Variants in TCF3 observed in about 807,000 individuals in gnomAD.
TCF3 encodes the protein transcription factor 3.
TCF3 carries 54 observed loss-of-function variants against 72.3 expected under a neutral mutation model. The ratio of observed to expected loss-of-function variants is 0.75; its 90% CI spans 0.60 to 0.94. TCF3 has a LOEUF of 0.94. Among genes scored for constraint, TCF3 ranks in the 40% least tolerant of loss-of-function variants. The pLI is 0.00. For missense variants in TCF3, 1,078 were observed against 934.4 expected, an observed-to-expected ratio of 1.15 and a Z score of -2.00; for synonymous variants, 525 against 412.6, an observed-to-expected ratio of 1.27 and a Z score of -3.30.
At chr19:1,627,591 G>A (rs1046039724) in intron 5 of TCF3, among the ~76,000 whole-genome samples, 165 bp from the exon 6 acceptor site, 5 of 151,712 alleles carry the variant, frequency 3.3e-5, no homozygotes, top group Non-Finnish European at 5.9e-5. Flanking sequence ...CCATCTCGGG[G>A]AGCCCTGGCC....
intron 6 of TCF3, among the ~76,000 whole-genome samples, chr19:1,626,222 G>A (rs770073055): frequency 2.0e-5 from 3 of 152,092 alleles, no homozygotes; most frequent in Non-Finnish European, 4.4e-5. Context: ...AGGCTGAGGC[G>A]GGCGGATCAC....
At chr19:1,645,614 C>A (rs1475850528) in intron 3 of TCF3, among the ~76,000 whole-genome samples, 1 of 152,240 alleles carries the variant, frequency 6.6e-6, no homozygotes, top group East Asian at 1.9e-4. Flanking sequence ...TCTGCGGAGA[C>A]CTTCACTAGA....
In TCF3 at chr19:1,621,901, CG is replaced by C; in HGVS notation, c.891del (p.Gly298GlufsTer96). The C allele has an allele frequency of 6.3e-7, 1 of 1,599,462 alleles. No individual in the cohort carries two copies. The highest frequency in any genetic ancestry group is 8.5e-7 in the Non-Finnish European group (1 of 1,174,614). ...LPSASSFSSAPGATYGGVSSH... is the reference protein window; with the variant it reads ...LPSASSFSSAXGATYGGVSSH... ...CTGGAGACGCCGCCGTACGTGGCTC[CG>C]GGGGCTGAGGAGAAGGAGGATGCAG... On this transcript the variant is annotated frameshift_variant, in exon 11 of 19. Transcript: ENST00000262965. LOFTEE classifies it high-confidence loss of function.
chr19:1,645,317 T>C (rs1240316471), intron 3 of TCF3, among the ~76,000 whole-genome samples: 1 of 152,028 alleles, frequency 6.6e-6, no homozygotes, highest in Non-Finnish European at 1.5e-5. Flanking sequence ...AAGAGACCCG[T>C]GGCTCTGAAG....
chr19:1,631,812 C>T (rs922189346), intron 5 of TCF3: 11 of 1,199,214 alleles, frequency 9.2e-6, no homozygotes, highest in South Asian at 5.9e-5. Context: ...CCTGCCTCTA[C>T]GCTCAGGCGG....
intron 3 of TCF3, among the ~76,000 whole-genome samples, chr19:1,637,700 G>A (rs544097158): frequency 4.1e-4 from 63 of 152,316 alleles, no homozygotes; most frequent in Admixed American, 9.2e-4. Flanking sequence ...ACGAGGTCCA[G>A]AAATCAAGAC....
rs1265051769 is a variant in TCF3 at position 1,622,391 on chromosome 19, C to T, written c.574G>A (p.Asp192Asn). The stretch of plus-strand genomic sequence containing the variant: ...TAGGCGGTGGCATCCCTGCCGTAGT[C>T]CTCACCTGAGCTGGGTGGGTACACC... ...SSVYPPSSGE[D>N]YGRDATAYPS... is the part of the protein sequence containing the mutation. The change falls in exon 9 of 19, where the codon GAC becomes AAC. Residue 192 changes from aspartate to asparagine, a missense_variant. Asp to Asn is a conservative substitution (Grantham distance 23). Coordinates refer to ENST00000262965, the MANE Select transcript of TCF3 (RefSeq NM_003200.5). 3 of 1,513,012 alleles carry T rather than the reference C, an allele frequency of 2.0e-6. No individual in the cohort carries two copies. In the African/African-American group the frequency reaches 4.2e-5, roughly 21 times the overall value. The allele number at this position is 1,513,012 out of a possible 1,614,324, so 93.7% of individuals were successfully genotyped here.
In TCF3 at chr19:1,615,354, G is replaced by A. The variant is rs1427856958; in HGVS notation, c.1753C>T (p.Pro585Ser). 1.9e-6 allele frequency: 3 copies of A among 1,613,732 alleles called. No homozygotes were observed. The highest frequency in any genetic ancestry group is 1.7e-5 in the Admixed American group (1 of 60,008). ...TGCAGGATGAGCAGTTTGGTCTGGGGCTTCTCGCTGTTGAGGTGCAGTTGG... is the reference window on the plus strand; with the variant it reads ...TGCAGGATGAGCAGTTTGGTCTGGGACTTCTCGCTGTTGAGGTGCAGTTGG... Reference protein sequence around the residue: ...MCQLHLNSEKPQTKLLILHQA... With the variant: ...MCQLHLNSEKSQTKLLILHQA... The change falls in exon 18 of 19, where the codon CCC becomes TCC. Residue 585 changes from proline to serine, a missense_variant. Physicochemically the swap from Pro to Ser is moderately conservative, Grantham distance 74 (BLOSUM62 -1). Transcript: ENST00000262965. The surrounding 1 kb of genome is among the most constrained non-coding windows in gnomAD (Gnocchi z 7.3).
rs375296938 is a variant in TCF3 at position 1,611,736 on chromosome 19, C to T, written c.1936G>A (p.Glu646Lys). ...VLSAPHPGLS[E>K]AHNPAGHM ...ATGTGCCCGGCGGGGTTGTGGGCTT[C>T]GCTCAGGCCTGGGTGGGGAGCTGAA... The change falls in exon 19 of 19, where the codon GAA becomes AAA. Residue 646 changes from glutamate to lysine, a missense_variant. Physicochemically the swap from Glu to Lys is moderately conservative, Grantham distance 56 (BLOSUM62 1). Coordinates refer to ENST00000262965, the MANE Select transcript of TCF3 (RefSeq NM_003200.5). 33 of 1,613,466 alleles carry T rather than the reference C, an allele frequency of 2.0e-5. No individual in the cohort carries two copies. Among genetic ancestry groups the T allele is most frequent in the Non-Finnish European group, 2.5e-5 (30 of 1,179,904 alleles).
At chr19:1,619,654 C>A in intron 14 of TCF3, 126 bp downstream of exon 14, 1 of 1,269,284 alleles carries the variant, frequency 7.9e-7, no homozygotes, top group Admixed American at 2.2e-5. Context: ...TTGGCGGCCA[C>A]GAGGCCTCAA....
chr19:1,647,820 A>G (rs1438377636), intron 2 of TCF3, among the ~76,000 whole-genome samples: 2 of 152,236 alleles, frequency 1.3e-5, no homozygotes, highest in East Asian at 3.8e-4. Flanking sequence ...TGAGCAGCCC[A>G]GAACAGCCCC....
At chr19:1,627,105 G>A (rs917603312) in intron 6 of TCF3, among the ~76,000 whole-genome samples, 1 of 152,294 alleles carries the variant, frequency 6.6e-6, no homozygotes, top group East Asian at 1.9e-4. Flanking sequence ...CTGCCACTCA[G>A]AGGAGAGGGC....
chr19:1,625,673 G>A lies in TCF3; in HGVS notation c.402C>T (p.Ser134=). 6.6e-7 allele frequency: 1 copy of A among 1,526,460 alleles called. No homozygotes were observed. The highest frequency in any genetic ancestry group is 8.7e-7 in the Non-Finnish European group (1 of 1,143,788). 94.6% of individuals were successfully genotyped at this position (1,526,460 alleles called of 1,614,324 possible). A position where few individuals can be genotyped will look rare whatever the true frequency, so the allele number is the denominator to read the frequency against. The change falls in exon 7 of 19, where the codon AGC becomes AGT. Residue 134 remains serine (S), a synonymous_variant. Transcript: ENST00000262965. ...GFLSGELALN[S]PGPLSPSGMK... is the part of the protein sequence containing the mutation. ...TGCCCGAAGGGGACAGGGGCCCGGG[G>A]CTGTTGAGGGCCAGCTCGCCTGACA... is the stretch of plus-strand genomic sequence containing the variant.
At position 1,621,054 on chromosome 19, in the gene TCF3, G is replaced by A; in HGVS notation, c.1015-8C>T. The A allele has an allele frequency of 1.3e-6, 2 of 1,516,174 alleles. No individual in the cohort carries two copies. The highest frequency in any genetic ancestry group is 1.8e-6 in the Non-Finnish European group (2 of 1,125,326). The allele number at this position is 1,516,174 out of a possible 1,614,324, so 93.9% of individuals were successfully genotyped here. ...GTGATCCGGGGAGTAGATCTGCGAG[G>A]AGGACCAGGAGAGATGGGCGGTCAG... On this transcript the variant is annotated splice_region_variant and splice_polypyrimidine_tract_variant and intron_variant, in intron 12 of 18. Coordinates refer to ENST00000262965, the MANE Select transcript of TCF3 (RefSeq NM_003200.5).
chr19:1,615,507 C>T lies in TCF3; in HGVS notation c.1600G>A (p.Glu534Lys), dbSNP rs767123017. Residue 534 changes from glutamate (E) to lysine (K), a missense_variant, in exon 18 of 19, where the codon GAG (glutamate) becomes AAG (lysine). Physicochemically the swap from Glu to Lys is moderately conservative, Grantham distance 56. Transcript: ENST00000262965. The surrounding 1 kb of genome is among the most constrained non-coding windows in gnomAD (Gnocchi z 7.3). Reference sequence around the variant, plus strand: ...TGCTCTGGGGGGAGAAGGTCGTCCTCGTCCTCGTCTGGGCTATGGGGAGGG... The same window carrying T: ...TGCTCTGGGGGGAGAAGGTCGTCCTTGTCCTCGTCTGGGCTATGGGGAGGG... ...PRARTSPDED[E>K]DDLLPPEQKA... The T allele has an allele frequency of 9.9e-6, 16 of 1,608,628 alleles. No individual in the cohort carries two copies. In the Middle Eastern group the frequency reaches 4.9e-4, roughly 50 times the overall value.
chr19:1,614,188 C>A lies in TCF3; in HGVS notation c.1822+1097G>T, dbSNP rs113153099. 0.021 allele frequency among the ~76,000 whole-genome samples: 3,200 copies of A among 152,326 alleles called. 111 individuals carry two copies. The highest frequency in any genetic ancestry group is 0.074 in the African/African-American group (3,057 of 41,560). Reference sequence around the variant, plus strand: ...GTGCCCTGTCTTAGTCTCTAGGGGGCTGCCTCACCCACTTGCCTGCCCACC... The same window carrying A: ...GTGCCCTGTCTTAGTCTCTAGGGGGATGCCTCACCCACTTGCCTGCCCACC... On this transcript the variant is annotated intron_variant, in intron 18 of 18. Transcript: ENST00000262965. The surrounding 1 kb of genome is among the most constrained non-coding windows in gnomAD (Gnocchi z 5.6).
chr19:1,611,666 A>G lies in TCF3; in HGVS notation c.*41T>C, dbSNP rs2060994862. 1.3e-6 allele frequency: 2 copies of G among 1,591,786 alleles called. No homozygotes were observed. Among genetic ancestry groups the G allele is most frequent in the African/African-American group, 2.7e-5 (2 of 74,492 alleles). The stretch of plus-strand genomic sequence containing the variant: ...AGTGGCCGTTCTGGGGCCAGAGCAC[A>G]GGGCTGAAAGCGGGTGGCTCGTCCC... On this transcript the variant is annotated 3_prime_UTR_variant, in exon 19 of 19. Coordinates refer to ENST00000262965, the MANE Select transcript of TCF3 (RefSeq NM_003200.5).
Position 1,614,490 on chromosome 19 carries a change from A to G in TCF3, c.1822+795T>C, listed in dbSNP as rs1304187703. ...ATGGAGGGGAGGGCGGAAGGCAGAC[A>G]GCAGAGAGGCGGGCTTGGGGGGCGC... On this transcript the variant is annotated intron_variant, in intron 18 of 18. Coordinates refer to ENST00000262965, the MANE Select transcript of TCF3 (RefSeq NM_003200.5). The surrounding 1 kb of genome is among the most constrained non-coding windows in gnomAD (Gnocchi z 5.6). 1.3e-5 allele frequency among the ~76,000 whole-genome samples: 2 copies of G among 152,120 alleles called. No homozygotes were observed. The highest frequency in any genetic ancestry group is 2.9e-5 in the Non-Finnish European group (2 of 68,010).
chr19:1,638,890 C>T (rs533679391), intron 3 of TCF3, among the ~76,000 whole-genome samples: 3 of 151,498 alleles, frequency 2.0e-5, no homozygotes, highest in African/African-American at 4.8e-5. Flanking sequence ...CGAAGATGGA[C>T]GGGTGCTTAA....
Sources: allele counts gnomAD v4.1 joint callset (sites outside exome capture counted in the v4.1 genomes callset), GRCh38; gene constraint gnomAD v4.1.1; non-coding constraint Gnocchi (gnomAD v3.1); transcripts MANE v1.5; gene names NCBI Gene and HGNC (gene_info 2026-07-23, HGNC 2026-07-21).